The following CAMK2D variants were observed in gnomAD, a reference collection of about 807,000 sequenced individuals.
The protein encoded by CAMK2D is calcium/calmodulin-dependent protein kinase type II subunit delta.
Under a neutral mutation model 84.0 loss-of-function variants are expected in CAMK2D, and 37 were observed. The ratio of observed to expected loss-of-function variants is 0.44; its 90% CI spans 0.34 to 0.58. CAMK2D has a LOEUF of 0.58. CAMK2D is among the 20% of genes least tolerant of loss of function. The pLI, the probability that CAMK2D is intolerant of heterozygous loss-of-function variation, is 0.02. For missense variants in CAMK2D, 448 were observed against 652.5 expected (o/e 0.69, Z 3.41); for synonymous variants, 202 against 212.5 (o/e 0.95, Z 0.43).
At chr4:113,667,071 T>C (rs151329853) in intron 2 of CAMK2D, among the ~76,000 whole-genome samples, 40 of 152,304 alleles carry the variant, frequency 2.6e-4, no homozygotes, top group Middle Eastern at 3.4e-3. Context: ...GACATTCTAC[T>C]TGCCCCTCTG....
intron 19 of CAMK2D, 41 bp downstream of exon 19, chr4:113,457,294 G>T: frequency 1.2e-6 from 2 of 1,610,302 alleles, no homozygotes; most frequent in South Asian, 2.2e-5. Flanking sequence ...AGCTGACCAT[G>T]GGTGTATTAA....
chr4:113,572,208 T>C (rs575433929), intron 4 of CAMK2D, among the ~76,000 whole-genome samples: 1 of 152,248 alleles, frequency 6.6e-6, no homozygotes, highest in South Asian at 2.1e-4. Flanking sequence ...ATAGAACTCA[T>C]TTACATAAGA....
chr4:113,516,718 A>G (rs1364368036), intron 9 of CAMK2D, among the ~76,000 whole-genome samples: 1 of 152,200 alleles, frequency 6.6e-6, no homozygotes, highest in Non-Finnish European at 1.5e-5. Context: ...TCACTTTCAC[A>G]TTGAGCTTTC....
At chr4:113,563,515 T>G (rs1436356071) in intron 4 of CAMK2D, among the ~76,000 whole-genome samples, 3 of 152,198 alleles carry the variant, frequency 2.0e-5, no homozygotes, top group Admixed American at 2.0e-4. Flanking sequence ...GAAGGGCGTG[T>G]TGCCAAGGTA....
rs530445839 is a variant in CAMK2D, at chr4:113,736,089, T to C, written c.160+23231A>G. Among the ~76,000 whole-genome samples the C allele has an allele frequency of 3.3e-5, 5 of 151,460 alleles. No homozygotes were observed. The South Asian group carries it at 8.3e-4, about 25-fold the overall frequency. ...CATACTGAATTTGAAATCTAAAACC[T>C]TCACTTTCAAATAGAAATAGCCACC... On this transcript the variant is annotated intron_variant, in intron 2 of 20. Coordinates refer to ENST00000511664, the MANE Select transcript of CAMK2D (RefSeq NM_001321571.2).
At chr4:113,565,512 G>C (rs1313857557) in intron 4 of CAMK2D, among the ~76,000 whole-genome samples, 1 of 151,986 alleles carries the variant, frequency 6.6e-6, no homozygotes, top group Admixed American at 6.5e-5. Context: ...TCAGCTGGGC[G>C]TGGTGGTGCA....
chr4:113,496,711 A>T (rs1309182360), intron 16 of CAMK2D, among the ~76,000 whole-genome samples: 1 of 152,062 alleles, frequency 6.6e-6, no homozygotes, highest in African/African-American at 2.4e-5. Context: ...AGCCTCCGAA[A>T]GTGCTGGGAT....
intron 16 of CAMK2D, among the ~76,000 whole-genome samples, chr4:113,482,323 C>T (rs898385380): frequency 4.0e-5 from 6 of 151,880 alleles, no homozygotes; most frequent in South Asian, 4.2e-4. Context: ...TTTCTGAGAC[C>T]GCATGTGGGG....
At chr4:113,565,532 T>G (rs1591310193) in intron 4 of CAMK2D, among the ~76,000 whole-genome samples, 1 of 151,302 alleles carries the variant, frequency 6.6e-6, no homozygotes, top group Admixed American at 6.6e-5. Flanking sequence ...ATGCCGGTAA[T>G]CCCAGCTACT....
chr4:113,533,197 G>C (rs1028877979), intron 7 of CAMK2D, among the ~76,000 whole-genome samples: 9 of 152,016 alleles, frequency 5.9e-5, no homozygotes, highest in African/African-American at 2.2e-4. Flanking sequence ...AAAATTCTAA[G>C]AGAATACCAG....
intron 2 of CAMK2D, among the ~76,000 whole-genome samples, chr4:113,752,803 T>C (rs1217049153): frequency 6.6e-6 from 1 of 152,190 alleles, no homozygotes; most frequent in East Asian, 1.9e-4. Context: ...ATGGAGGGAC[T>C]GTCTGAAACT....
chr4:113,480,252 C>T (rs75715078), intron 16 of CAMK2D, among the ~76,000 whole-genome samples: 9,293 of 152,102 alleles, frequency 0.061, 568 homozygotes, highest in East Asian at 0.21. Flanking sequence ...CGTGAACTAC[C>T]GCACCCGGCC....
chr4:113,532,585 G>A (rs1306060563), intron 7 of CAMK2D, among the ~76,000 whole-genome samples: 7 of 152,128 alleles, frequency 4.6e-5, no homozygotes, highest in African/African-American at 1.2e-4. Context: ...GAGTTTGCCA[G>A]CACTTCTGTC....
rs74451825 is a variant in CAMK2D, at chr4:113,759,630, C to T, written c.66-216G>A. Among the ~76,000 whole-genome samples the T allele has an allele frequency of 8.8e-3, 1,337 of 152,142 alleles. 20 individuals are homozygous for T. Among genetic ancestry groups the T allele is most frequent in the African/African-American group, 0.03 (1,252 of 41,500 alleles). On this transcript the variant is annotated intron_variant, in intron 1 of 20. Transcript: ENST00000511664. ...ACTGGGAGCACACATTATTAATCAA[C>T]AAAATGAAAGGAACTGCCAATTATG...
chr4:113,711,734 C>T (rs867321782), intron 2 of CAMK2D, among the ~76,000 whole-genome samples: 6 of 152,120 alleles, frequency 3.9e-5, no homozygotes, highest in Admixed American at 6.6e-5. Flanking sequence ...TATCACAGGG[C>T]CTTCACTAAC....
At chr4:113,504,923 A>C (rs972992274) in intron 14 of CAMK2D, 53 bp downstream of exon 14, 29 of 501,550 alleles carry the variant, frequency 5.8e-5, no homozygotes, top group African/African-American at 3.2e-4. Flanking sequence ...AGAAACCACA[A>C]AAAAAAAAAA....
chr4:113,632,978 T>C (rs936903699), intron 3 of CAMK2D, among the ~76,000 whole-genome samples: 7 of 152,248 alleles, frequency 4.6e-5, no homozygotes. Flanking sequence ...TAATTTGTTT[T>C]CTTAACTATC....
intron 4 of CAMK2D, among the ~76,000 whole-genome samples, chr4:113,607,177 G>A (rs541411781): frequency 1.3e-5 from 2 of 152,184 alleles, no homozygotes; most frequent in South Asian, 4.2e-4. Context: ...TCAAACATTG[G>A]AAAGGAAGAA....
intron 16 of CAMK2D, among the ~76,000 whole-genome samples, chr4:113,497,042 G>A (rs984626988): frequency 2.7e-5 from 4 of 146,074 alleles, no homozygotes; most frequent in African/African-American, 7.8e-5. Context: ...TTAAGAAAAA[G>A]GAAATAAAAG....
Sources: allele counts gnomAD v4.1 joint callset (sites outside exome capture counted in the v4.1 genomes callset), GRCh38; gene constraint gnomAD v4.1.1; transcripts MANE v1.5; gene names NCBI Gene and HGNC (gene_info 2026-07-23, HGNC 2026-07-21).